ATXN1: variants seen among roughly 807,000 people sequenced by gnomAD.
ATXN1 encodes ataxin 1, also known as ataxin-1.
A neutral mutation model predicts 56.4 loss-of-function variants in ATXN1; 8 were observed. That is an observed-to-expected ratio of 0.14 (90% confidence interval 0.08 to 0.26). The LOEUF (loss-of-function observed/expected upper bound fraction) is 0.26, where lower values mean the gene tolerates loss of function less well. ATXN1 is among the 10% of genes least tolerant of loss of function. The pLI, the probability that ATXN1 is intolerant of heterozygous loss-of-function variation, is 1.00. For missense variants in ATXN1, 987 were observed against 1,106.5 expected, an observed-to-expected ratio of 0.89 and a Z score of 1.53; for synonymous variants, 514 against 494.6, an observed-to-expected ratio of 1.04 and a Z score of -0.52.
At position 16,647,292 on chromosome 6, in the gene ATXN1, G is replaced by A. The variant is rs541714486; in HGVS notation, c.-489+10484C>T. Among the ~76,000 whole-genome samples the A allele has an allele frequency of 1.9e-4, 29 of 152,254 alleles. No homozygotes were observed. The Middle Eastern group carries it at 0.017, about 89-fold the overall frequency. ...GCTGGGATTACAGGCGTGAGCCACC[G>A]TGCCTGGCCTGTTTTATTTTTCTTA... On this transcript the variant is annotated intron_variant, in intron 3 of 7. Coordinates refer to ENST00000436367, the MANE Select transcript of ATXN1 (RefSeq NM_001128164.2).
intron 4 of ATXN1, among the ~76,000 whole-genome samples, chr6:16,567,149 G>A (rs1762245560): frequency 6.6e-6 from 1 of 152,126 alleles, no homozygotes; most frequent in Non-Finnish European, 1.5e-5. Context: ...AATTAATGAA[G>A]ATTAAACATA....
At chr6:16,753,169 G>A in intron 2 of ATXN1, 64 bp downstream of exon 2, 1 of 449,926 alleles carries the variant, frequency 2.2e-6, no homozygotes, top group South Asian at 1.6e-5. Flanking sequence ...ATGGCTAGGA[G>A]GCAATTTTCC....
intron 4 of ATXN1, among the ~76,000 whole-genome samples, chr6:16,554,858 T>TA (rs1761983794): frequency 6.6e-6 from 1 of 152,220 alleles, no homozygotes; most frequent in Non-Finnish European, 1.5e-5. Flanking sequence ...CCCAAAGTGC[T>TA]GAGATTACAA....
intron 5 of ATXN1, among the ~76,000 whole-genome samples, chr6:16,520,329 T>C (rs1024936149): frequency 1.3e-5 from 2 of 152,182 alleles, no homozygotes; most frequent in African/African-American, 4.8e-5. Context: ...TGTGTTTAGT[T>C]TTTTCTCATT....
chr6:16,635,530 CAACGAGAGCTAACT>C (rs1763580276), intron 3 of ATXN1, among the ~76,000 whole-genome samples: 1 of 152,096 alleles, frequency 6.6e-6, no homozygotes, highest in African/African-American at 2.4e-5. Context: ...GACAGAAGTT[CAACGAGAGCTAACT>C]AAACAACTAA....
chr6:16,673,857 C>T (rs895406577), intron 2 of ATXN1, among the ~76,000 whole-genome samples: 1 of 152,132 alleles, frequency 6.6e-6, no homozygotes, highest in Non-Finnish European at 1.5e-5. Flanking sequence ...CCTCTACTCA[C>T]TAGATGCCAG....
intron 6 of ATXN1, among the ~76,000 whole-genome samples, chr6:16,337,395 C>A (rs186709314): frequency 1.3e-5 from 2 of 152,140 alleles, no homozygotes; most frequent in African/African-American, 4.8e-5. Flanking sequence ...GGAGGAGGGG[C>A]GGGGCCACAG....
At chr6:16,558,203 A>G (rs1762047851) in intron 4 of ATXN1, among the ~76,000 whole-genome samples, 2 of 151,732 alleles carry the variant, frequency 1.3e-5, no homozygotes, top group South Asian at 4.2e-4. Flanking sequence ...TTAGAAGGCT[A>G]AGGCAGGAGG....
intron 4 of ATXN1, among the ~76,000 whole-genome samples, chr6:16,579,603 A>C (rs1372430090): frequency 1.3e-5 from 2 of 151,394 alleles, no homozygotes; most frequent in African/African-American, 2.4e-5. Flanking sequence ...TCAAGCACAG[A>C]CCCAGCTTCT....
intron 6 of ATXN1, among the ~76,000 whole-genome samples, chr6:16,443,669 T>C (rs1441525185): frequency 1.3e-5 from 2 of 152,178 alleles, no homozygotes; most frequent in Admixed American, 1.3e-4. Context: ...GCAAGTGTAG[T>C]GTGGGAGAAA....
At chr6:16,626,529 T>G (rs1763409846) in intron 3 of ATXN1, among the ~76,000 whole-genome samples, 1 of 152,122 alleles carries the variant, frequency 6.6e-6, no homozygotes, top group Non-Finnish European at 1.5e-5. Context: ...TGACCTCAGA[T>G]GATGTGCCCA....
At chr6:16,753,011 C>T (rs1004993170) in intron 2 of ATXN1, 119 of 301,444 alleles carry the variant, frequency 3.9e-4, no homozygotes, top group Middle Eastern at 1.2e-3. Flanking sequence ...AAATGAAAGT[C>T]TTCATGAACA....
chr6:16,698,072 C>T (rs528535721), intron 2 of ATXN1, among the ~76,000 whole-genome samples: 1 of 152,336 alleles, frequency 6.6e-6, no homozygotes, highest in South Asian at 2.1e-4. Context: ...ATCATCCCTT[C>T]TAATGGCGCA....
At chr6:16,331,151 C>T (rs1237618674) in intron 6 of ATXN1, among the ~76,000 whole-genome samples, 1 of 152,156 alleles carries the variant, frequency 6.6e-6, no homozygotes, top group East Asian at 1.9e-4. Flanking sequence ...TAGGCGGCTG[C>T]CGCCATGCCT....
intron 3 of ATXN1, among the ~76,000 whole-genome samples, chr6:16,632,637 T>C (rs1233698169): frequency 1.3e-5 from 2 of 151,160 alleles, no homozygotes; most frequent in Admixed American, 6.6e-5. Flanking sequence ...GCTAAGTTTA[T>C]AGTGCTCCAA....
intron 3 of ATXN1, among the ~76,000 whole-genome samples, chr6:16,635,684 T>C (rs1380087764): frequency 6.6e-6 from 1 of 152,234 alleles, no homozygotes; most frequent in African/African-American, 2.4e-5. Flanking sequence ...GGCAGGACAT[T>C]GACCAGATAA....
At chr6:16,455,751 C>T (rs1759854125) in intron 6 of ATXN1, among the ~76,000 whole-genome samples, 1 of 152,178 alleles carries the variant, frequency 6.6e-6, no homozygotes, top group Non-Finnish European at 1.5e-5. Context: ...GCCAGCTGGA[C>T]TTCCTGGGTT....
intron 4 of ATXN1, among the ~76,000 whole-genome samples, chr6:16,572,474 C>A (rs1009140628): frequency 6.6e-6 from 1 of 152,138 alleles, no homozygotes; most frequent in Non-Finnish European, 1.5e-5. Context: ...GCCATACCTC[C>A]CCAAGACTGA....
intron 6 of ATXN1, among the ~76,000 whole-genome samples, chr6:16,379,320 C>T (rs998953566): frequency 6.6e-6 from 1 of 152,104 alleles, no homozygotes; most frequent in African/African-American, 2.4e-5. Flanking sequence ...GTATACTGCT[C>T]AGGTGATGGG....
Sources: gnomAD v4.1 joint callset for allele counts (sites outside exome capture counted in the v4.1 genomes callset) on GRCh38, gnomAD v4.1.1 for gene constraint, MANE v1.5 for transcripts, NCBI Gene and HGNC (gene_info 2026-07-23, HGNC 2026-07-21) for gene names.